Variants in DIS3L2 observed in about 807,000 individuals in gnomAD.
DIS3L2 encodes DIS3 like 3'-5' exoribonuclease 2.
Under a neutral mutation model 97.5 loss-of-function variants are expected in DIS3L2, and 34 were observed. That is an observed-to-expected ratio of 0.35 (90% CI 0.27 to 0.46). The LOEUF (loss-of-function observed/expected upper bound fraction) is 0.46, where lower values mean the gene tolerates loss of function less well. DIS3L2 is among the 20% of genes least tolerant of loss of function. The pLI, the probability that DIS3L2 is intolerant of heterozygous loss-of-function variation, is 1.00. For synonymous variants in DIS3L2, 435 were observed against 445.2 expected (o/e 0.98, Z 0.29); for missense variants, 1,038 against 1,146.0 (o/e 0.91, Z 1.36).
At chr2:232,214,318 G>C (rs747403074) in intron 10 of DIS3L2, among the ~76,000 whole-genome samples, 1 of 152,260 alleles carries the variant, frequency 6.6e-6, no homozygotes, top group African/African-American at 2.4e-5. Context: ...TTCTACCTTA[G>C]AGGCAATTCA....
intron 16 of DIS3L2, among the ~76,000 whole-genome samples, chr2:232,332,275 T>C (rs1695761395): frequency 6.6e-6 from 1 of 151,604 alleles, no homozygotes; most frequent in Non-Finnish European, 1.5e-5. Flanking sequence ...TGCCCCCGAC[T>C]TAACCCAGGG....
Position 232,265,058 on chromosome 2 carries a change from T to C in DIS3L2, c.1659+1618T>C, listed in dbSNP as rs1693818569. Among the ~76,000 whole-genome samples the C allele has an allele frequency of 3.3e-5, 5 of 152,220 alleles. No homozygotes were observed. The South Asian group carries it at 1.0e-3, about 32-fold the overall frequency. On this transcript the variant is annotated intron_variant, in intron 13 of 20. Coordinates refer to ENST00000325385, the MANE Select transcript of DIS3L2 (RefSeq NM_152383.5). ...TACAGAATACCTACTTTCCTTCCTT[T>C]AAGAAATCATTCATGGGAGTGTGAA... is the stretch of plus-strand genomic sequence containing the variant.
chr2:232,336,781 T>TAAAC lies in DIS3L2; in HGVS notation c.*156_*159dup, dbSNP rs1448552067. 7.5e-6 allele frequency: 11 copies of TAAAC among 1,464,034 alleles called. No homozygotes were observed. Among genetic ancestry groups the TAAAC allele is most frequent in the Non-Finnish European group, 8.1e-6 (9 of 1,117,216 alleles). 90.7% of individuals were successfully genotyped at this position (1,464,034 alleles called of 1,614,324 possible). A position where few individuals can be genotyped will look rare whatever the true frequency, so the allele number is the denominator to read the frequency against. On this transcript the variant is annotated 3_prime_UTR_variant, in exon 21 of 21. Coordinates refer to ENST00000325385, the MANE Select transcript of DIS3L2 (RefSeq NM_152383.5). ...TATTTAATTTTTGCAGCTCAACTTTTAAACAAACTGCAGGGGAGAGGGTGG... is the reference window on the plus strand; with the variant it reads ...TATTTAATTTTTGCAGCTCAACTTTTAAACAAACAAACTGCAGGGGAGAGGGTGG...
intron 1 of DIS3L2, among the ~76,000 whole-genome samples, chr2:231,973,461 T>C (rs1192061408): frequency 1.3e-4 from 20 of 152,116 alleles, no homozygotes; most frequent in Admixed American, 1.2e-3. Flanking sequence ...AACAAACAAA[T>C]AATACATTTT....
chr2:232,033,240 A>C (rs561763282), intron 5 of DIS3L2, among the ~76,000 whole-genome samples: 75 of 152,308 alleles, frequency 4.9e-4, no homozygotes, highest in African/African-American at 1.5e-3. Context: ...TCTTTGTAGC[A>C]ATTGTGAATG....
At chr2:232,306,048 G>A (rs978111477) in intron 14 of DIS3L2, among the ~76,000 whole-genome samples, 2 of 152,108 alleles carry the variant, frequency 1.3e-5, no homozygotes, top group African/African-American at 4.8e-5. Flanking sequence ...TATCACTTTT[G>A]CATATGTTCT....
At chr2:232,093,345 G>GT (rs1300729440) in intron 6 of DIS3L2, among the ~76,000 whole-genome samples, 2 of 151,842 alleles carry the variant, frequency 1.3e-5, no homozygotes, top group Non-Finnish European at 2.9e-5. Flanking sequence ...TTGGCCTGTA[G>GT]TTTTTTTTAA....
rs371537588 is a variant in DIS3L2, at chr2:232,326,105, C to A, written c.1740-3708C>A. Among the ~76,000 whole-genome samples, 46 of 152,308 alleles carry A rather than the reference C, an allele frequency of 3.0e-4. 1 individual carries two copies. In the South Asian group the frequency reaches 8.9e-3, roughly 29 times the overall value. ...AGGTCAGGGGAGAGGGCCCTGCTGA[C>A]CGGGTCATCTCTGGCCCTGGGTTCC... is the stretch of plus-strand genomic sequence containing the variant. On this transcript the variant is annotated intron_variant, in intron 14 of 20. Transcript: ENST00000325385.
chr2:232,337,212 A>T (rs1575030875), downstream of DIS3L2: 1 of 987,682 alleles, frequency 1.0e-6, no homozygotes, highest in Admixed American at 6.1e-5. Flanking sequence ...CGCCCCCATC[A>T]CCCTGACGAA....
At chr2:232,059,250 T>C (rs1375366608) in intron 5 of DIS3L2, among the ~76,000 whole-genome samples, 1 of 152,196 alleles carries the variant, frequency 6.6e-6, no homozygotes, top group African/African-American at 2.4e-5. Context: ...TATGCTTCTA[T>C]CAAAGTAGGG....
chr2:232,008,152 A>G (rs1694102478), intron 1 of DIS3L2, among the ~76,000 whole-genome samples: 1 of 150,844 alleles, frequency 6.6e-6, no homozygotes, highest in Admixed American at 6.6e-5. Context: ...AGCTGGGACT[A>G]CAGGTGTATG....
rs11682522 is a variant in DIS3L2 at position 232,202,879 on chromosome 2, G to A, written c.1125-7447G>A. Among the ~76,000 whole-genome samples the A allele has an allele frequency of 2.9e-3, 436 of 152,268 alleles. 1 individual carries two copies. Among genetic ancestry groups the A allele is most frequent in the Non-Finnish European group, 4.7e-3 (323 of 68,016 alleles). ...CAGTATTATGATATTGGCAACTACC[G>A]TCGAAAAAAAGAAAAGGCGCAGCCC... is the stretch of plus-strand genomic sequence containing the variant. On this transcript the variant is annotated intron_variant, in intron 9 of 20. Transcript: ENST00000325385.
In DIS3L2 at chr2:232,200,752, T is replaced by C. The variant is rs190204868; in HGVS notation, c.1125-9574T>C. ...ATTCATTCAGGCAAAAGTCAAGTCA[T>C]CTAGATGCTGAAACCATTGACCAAA... On this transcript the variant is annotated intron_variant, in intron 9 of 20. Transcript: ENST00000325385. Among the ~76,000 whole-genome samples, 15 of 151,666 alleles carry C rather than the reference T, an allele frequency of 9.9e-5. No homozygotes were observed. The East Asian group carries it at 2.5e-3, about 26-fold the overall frequency.
intron 6 of DIS3L2, among the ~76,000 whole-genome samples, chr2:232,115,415 A>C (rs1381073636): frequency 6.6e-6 from 1 of 152,170 alleles, no homozygotes; most frequent in Non-Finnish European, 1.5e-5. Context: ...AGAAAAGTTA[A>C]ATTTGGTATT....
At position 232,114,464 on chromosome 2, in the gene DIS3L2, G is replaced by A. The variant is rs944630665; in HGVS notation, c.602-16155G>A. 3.3e-5 allele frequency among the ~76,000 whole-genome samples: 5 copies of A among 152,284 alleles called. No homozygotes were observed. The South Asian group carries it at 8.3e-4, about 25-fold the overall frequency. ...TAAAAAAATAAAAGACCAAGGGTAA[G>A]AAGGACCATGGATTCAGGTTGTGAT... On this transcript the variant is annotated intron_variant, in intron 6 of 20. Coordinates refer to ENST00000325385, the MANE Select transcript of DIS3L2 (RefSeq NM_152383.5).
intron 9 of DIS3L2, among the ~76,000 whole-genome samples, chr2:232,181,873 A>G (rs941591219): frequency 6.6e-6 from 1 of 152,036 alleles, no homozygotes; most frequent in African/African-American, 2.4e-5. Context: ...GTTGGTCTCG[A>G]GCGCCTGACC....
At chr2:232,274,665 A>C (rs1694093865) in intron 13 of DIS3L2, among the ~76,000 whole-genome samples, 1 of 152,234 alleles carries the variant, frequency 6.6e-6, no homozygotes, top group African/African-American at 2.4e-5. Context: ...CTGCAGTCTT[A>C]TTAAGTAAAT....
chr2:231,995,328 C>T (rs886518003), intron 1 of DIS3L2, among the ~76,000 whole-genome samples: 2 of 152,084 alleles, frequency 1.3e-5, no homozygotes, highest in African/African-American at 4.8e-5. Flanking sequence ...ACTTTAAGTT[C>T]GTTTCTATGC....
chr2:232,244,814 C>T (rs1038113231), intron 11 of DIS3L2, among the ~76,000 whole-genome samples: 1 of 151,906 alleles, frequency 6.6e-6, no homozygotes, highest in Non-Finnish European at 1.5e-5. Flanking sequence ...TTCTGAGGGG[C>T]GTGGGGAAGG....
Sources: gnomAD v4.1 joint callset for allele counts (sites outside exome capture counted in the v4.1 genomes callset) on GRCh38, gnomAD v4.1.1 for gene constraint, MANE v1.5 for transcripts, NCBI Gene and HGNC (gene_info 2026-07-23, HGNC 2026-07-21) for gene names.